TLL1: variants seen among roughly 807,000 people sequenced by gnomAD.
TLL1 encodes tolloid like 1, also known as tolloid-like protein 1.
In TLL1, 49 loss-of-function variants were observed where a neutral mutation model predicts 128.2. That is an observed-to-expected ratio of 0.38 (90% CI 0.30 to 0.48). The LOEUF (loss-of-function observed/expected upper bound fraction) is 0.48. TLL1 is among the 20% of genes least tolerant of loss of function. TLL1 has a pLI of 0.96. For missense variants in TLL1, 1,123 were observed against 1,242.0 expected, an observed-to-expected ratio of 0.90 and a Z score of 1.44; for synonymous variants, 454 against 418.8, an observed-to-expected ratio of 1.08 and a Z score of -1.03.
In TLL1 at chr4:166,060,140, G is replaced by T; in HGVS notation, c.1959G>T (p.Gln653His). 3 of 1,613,628 alleles carry T rather than the reference G, an allele frequency of 1.9e-6. No individual in the cohort carries two copies. The change falls in exon 15 of 21, where the codon CAG (glutamine) becomes CAT (histidine). Residue 653 changes from glutamine to histidine, a missense_variant. Transcript: ENST00000061240. ...NCVWQVVAPT[Q>H]YRISVKFEFF... is the part of the protein sequence containing the mutation. ...TGTGGCAAGTGGTTGCACCAACCCA[G>T]TACAGAATTTCTGTGAAGTTTGAGT...
Position 166,039,326 on chromosome 4 carries a change from C to T in TLL1, c.1159-13C>T, listed in dbSNP as rs909879733. The T allele has an allele frequency of 6.3e-7, 1 of 1,593,844 alleles. No homozygotes were observed. Among genetic ancestry groups the T allele is most frequent in the Non-Finnish European group, 8.6e-7 (1 of 1,162,138 alleles). ...CATTTTTACTCTGTGGGTTGCTTACCTCCATTTTGCAGATTGTTTTAAATT... is the reference window on the plus strand; with the variant it reads ...CATTTTTACTCTGTGGGTTGCTTACTTCCATTTTGCAGATTGTTTTAAATT... On this transcript the variant is annotated splice_polypyrimidine_tract_variant and intron_variant, in intron 9 of 20. Transcript: ENST00000061240.
chr4:166,065,984 A>G, intron 16 of TLL1, 121 bp downstream of exon 16: 2 of 684,058 alleles, frequency 2.9e-6, no homozygotes, highest in Non-Finnish European at 4.9e-6. Flanking sequence ...AGTAGGCCTT[A>G]CAAACAACAC....
At chr4:165,908,214 A>G (rs927290326) in intron 1 of TLL1, among the ~76,000 whole-genome samples, 4 of 152,214 alleles carry the variant, frequency 2.6e-5, no homozygotes, top group Non-Finnish European at 5.9e-5. Flanking sequence ...TTTCTTACAC[A>G]GCTGGTAAGT....
rs562921763 is a variant in TLL1, at chr4:165,969,499, A to G, written c.170-19882A>G. Among the ~76,000 whole-genome samples the G allele has an allele frequency of 2.0e-5, 3 of 152,236 alleles. No homozygotes were observed. In the South Asian group the frequency reaches 6.2e-4, roughly 32 times the overall value. ...TACACACATTTTTGAAAAATGCTGC[A>G]TATATGTTGTTTATATTCGAATGGG... is the stretch of plus-strand genomic sequence containing the variant. On this transcript the variant is annotated intron_variant, in intron 1 of 20. Transcript: ENST00000061240.
intron 14 of TLL1, among the ~76,000 whole-genome samples, chr4:166,059,488 A>G (rs1231410561): frequency 1.3e-5 from 2 of 152,140 alleles, no homozygotes; most frequent in Non-Finnish European, 2.9e-5. Flanking sequence ...TCTATTTACC[A>G]TAATTTATCT....
chr4:166,074,991 G>T lies in TLL1; in HGVS notation c.2302G>T (p.Asp768Tyr). The stretch of plus-strand genomic sequence containing the variant: ...ATTTGTGCTACATGACAATAAACAT[G>T]ATTGCAAGGAAGGTATGGAACGGAA... The part of the protein sequence containing the change: ...NGFVLHDNKH[D>Y]CKEAECEQKI... The change falls in exon 17 of 21, where the codon GAT becomes TAT. Residue 768 changes from aspartate (D) to tyrosine (Y), a missense_variant. By Grantham distance (160) the Asp-to-Tyr change is radical. Transcript: ENST00000061240. 6.2e-7 allele frequency: 1 copy of T among 1,613,474 alleles called. No homozygotes were observed.
chr4:166,065,289 C>T (rs1311357276), intron 15 of TLL1, among the ~76,000 whole-genome samples: 1 of 152,026 alleles, frequency 6.6e-6, no homozygotes, highest in East Asian at 1.9e-4. Context: ...TATTATACAT[C>T]AAGTATCCAT....
chr4:165,914,199 T>C (rs1362883515), intron 1 of TLL1, among the ~76,000 whole-genome samples: 1 of 152,194 alleles, frequency 6.6e-6, no homozygotes, highest in Non-Finnish European at 1.5e-5. Context: ...TTTTTCTCTA[T>C]TAGCGTGTGA....
intron 17 of TLL1, among the ~76,000 whole-genome samples, chr4:166,076,488 A>G (rs1038728250): frequency 2.6e-5 from 4 of 152,228 alleles, no homozygotes; most frequent in Non-Finnish European, 5.9e-5. Context: ...TTGTCTGTTC[A>G]TTACATAAAT....
chr4:166,010,665 G>C (rs1207087418), intron 7 of TLL1, among the ~76,000 whole-genome samples: 2 of 150,830 alleles, frequency 1.3e-5, no homozygotes, highest in Admixed American at 1.3e-4. Flanking sequence ...CATCCTGTTT[G>C]TCTATTTTGG....
chr4:166,055,307 T>C lies in TLL1; in HGVS notation c.1720+36T>C, dbSNP rs1174503871. 3 of 1,574,954 alleles carry C rather than the reference T, an allele frequency of 1.9e-6. No individual in the cohort carries two copies. In the Admixed American group the frequency reaches 5.0e-5, roughly 26 times the overall value. ...ATAATTTTCAAACGTGAGATTTTCTTTATCAAGGATACTTGTAGTGTTTAG... is the reference window on the plus strand; with the variant it reads ...ATAATTTTCAAACGTGAGATTTTCTCTATCAAGGATACTTGTAGTGTTTAG... On this transcript the variant is annotated intron_variant, in intron 13 of 20. Transcript: ENST00000061240.
chr4:166,092,263 A>G (rs1378906639), intron 19 of TLL1, among the ~76,000 whole-genome samples: 2 of 152,050 alleles, frequency 1.3e-5, no homozygotes, highest in African/African-American at 4.8e-5. Context: ...GTAATTCATA[A>G]TTTTAACTAT....
chr4:165,925,930 G>A (rs1438785286), intron 1 of TLL1, among the ~76,000 whole-genome samples: 2 of 152,122 alleles, frequency 1.3e-5, no homozygotes, highest in East Asian at 3.9e-4. Context: ...TAGCAATAAA[G>A]TAATTTTAGG....
At chr4:166,088,832 G>A (rs1342363613) in intron 18 of TLL1, among the ~76,000 whole-genome samples, 4 of 152,074 alleles carry the variant, frequency 2.6e-5, no homozygotes, top group African/African-American at 9.7e-5. Context: ...GTGTTGCTCC[G>A]TTCTGTTAAG....
In TLL1 at chr4:166,088,709, C is replaced by T. The variant is rs911999690; in HGVS notation, c.2443-2419C>T. Among the ~76,000 whole-genome samples, 5 of 152,102 alleles carry T rather than the reference C, an allele frequency of 3.3e-5. No homozygotes were observed. The East Asian group carries it at 7.7e-4, about 24-fold the overall frequency. On this transcript the variant is annotated intron_variant, in intron 18 of 20. Coordinates refer to ENST00000061240, the MANE Select transcript of TLL1 (RefSeq NM_012464.5). ...TATGGAACCTTTGACTAATATGACT[C>T]TTACAGACTCAGTCTGATTCCACCA...
At chr4:165,980,260 T>G (rs564521447) in intron 1 of TLL1, among the ~76,000 whole-genome samples, 1 of 152,240 alleles carries the variant, frequency 6.6e-6, no homozygotes, top group Admixed American at 6.5e-5. Flanking sequence ...CAATCTCATA[T>G]GCGCTGTCTC....
intron 5 of TLL1, 123 bp from the exon 6 acceptor site, chr4:166,003,268 T>C (rs1737251599): frequency 1.1e-6 from 1 of 919,702 alleles, no homozygotes; most frequent in Non-Finnish European, 1.8e-6. Context: ...AATAAGAGGT[T>C]GTTCTGTTCC....
chr4:165,878,250 T>C (rs969267466), intron 1 of TLL1, among the ~76,000 whole-genome samples: 11 of 152,214 alleles, frequency 7.2e-5, no homozygotes, highest in African/African-American at 2.7e-4. Flanking sequence ...TGCAAACATT[T>C]ATTTCTTAGT....
intron 1 of TLL1, among the ~76,000 whole-genome samples, chr4:165,966,268 C>T (rs1735369629): frequency 6.6e-6 from 1 of 151,680 alleles, no homozygotes; most frequent in African/African-American, 2.4e-5. Context: ...AAGCCATGAT[C>T]ACTAGACGAT....
Sources: allele counts gnomAD v4.1 joint callset (sites outside exome capture counted in the v4.1 genomes callset), GRCh38; gene constraint gnomAD v4.1.1; transcripts MANE v1.5; gene names NCBI Gene and HGNC (gene_info 2026-07-23, HGNC 2026-07-21).